The following RPS6KA5 variants were observed in gnomAD, a reference collection of about 807,000 sequenced individuals.
RPS6KA5 encodes the protein ribosomal protein S6 kinase alpha-5.
RPS6KA5 carries 27 observed loss-of-function variants against 85.5 expected under a neutral mutation model. That is an observed-to-expected ratio of 0.32 (90% CI 0.23 to 0.44). The LOEUF is 0.44. Ranked by LOEUF, RPS6KA5 falls within the 20% of genes least tolerant of loss-of-function variation. RPS6KA5 has a pLI of 1.00. For synonymous variants in RPS6KA5, 334 were observed against 348.2 expected (o/e 0.96, Z 0.46); for missense variants, 811 against 980.9 (o/e 0.83, Z 2.31).
At chr14:90,917,954 A>T (rs1016131325) in intron 7 of RPS6KA5, among the ~76,000 whole-genome samples, 2 of 152,310 alleles carry the variant, frequency 1.3e-5, no homozygotes, top group Middle Eastern at 3.4e-3. Context: ...TACCTGGATT[A>T]TTTCCAGTTT....
intron 3 of RPS6KA5, among the ~76,000 whole-genome samples, chr14:90,949,422 C>T (rs2038052734): frequency 6.6e-6 from 1 of 152,206 alleles, no homozygotes; most frequent in South Asian, 2.1e-4. Context: ...TACTTACTTT[C>T]TCTGCTAAAG....
chr14:90,950,182 T>C (rs2038099446), intron 3 of RPS6KA5, among the ~76,000 whole-genome samples: 1 of 152,240 alleles, frequency 6.6e-6, no homozygotes. Flanking sequence ...CCAAATGTTT[T>C]ATTCCTGTTG....
At chr14:90,997,369 C>T (rs2040573411) in intron 2 of RPS6KA5, among the ~76,000 whole-genome samples, 2 of 152,114 alleles carry the variant, frequency 1.3e-5, no homozygotes, top group South Asian at 4.1e-4. Flanking sequence ...TTCATAGCAG[C>T]ATTATATTCA....
intron 14 of RPS6KA5, among the ~76,000 whole-genome samples, chr14:90,879,203 C>T (rs954963205): frequency 1.3e-5 from 2 of 152,222 alleles, no homozygotes; most frequent in African/African-American, 2.4e-5. Flanking sequence ...CAAACCAATG[C>T]ACTATGGAAA....
chr14:90,875,205 G>C lies in RPS6KA5; in HGVS notation c.1992C>G (p.Ile664Met), dbSNP rs767594984. ...KNVSQEAKDL[I>M]QGLLTVDPNK... is the part of the protein sequence containing the mutation. The stretch of plus-strand genomic sequence containing the variant: ...AAAATTTCATTAGATTCTTACCTTG[G>C]ATCAAATCTTTAGCCTCTTGGGATA... Residue 664 changes from isoleucine (I) to methionine (M), a missense_variant, in exon 15 of 17, where the codon ATC becomes ATG. Around this residue, in one of 3 missense-constraint regions of RPS6KA5, gnomAD observed 650 missense variants for 793.4 expected, o/e 0.82. Coordinates refer to ENST00000614987, the MANE Select transcript of RPS6KA5 (RefSeq NM_004755.4). 2 of 1,611,796 alleles carry C rather than the reference G, an allele frequency of 1.2e-6. No homozygotes were observed. Among genetic ancestry groups the C allele is most frequent in the East Asian group, 4.5e-5 (2 of 44,854 alleles).
At chr14:90,902,749 T>A (rs1420448408) in intron 9 of RPS6KA5, 59 bp downstream of exon 9, 5 of 1,490,314 alleles carry the variant, frequency 3.4e-6, no homozygotes, top group Non-Finnish European at 4.6e-6. Context: ...ATGGGAAATT[T>A]AATCTTTTCT....
intron 8 of RPS6KA5, among the ~76,000 whole-genome samples, chr14:90,904,519 AGT>A (rs2035393950): frequency 6.6e-6 from 1 of 152,278 alleles, no homozygotes; most frequent in African/African-American, 2.4e-5. Context: ...TTGACTTTCT[AGT>A]TAAGTGTTTT....
At chr14:90,882,815 T>G (rs1242439879) in intron 14 of RPS6KA5, among the ~76,000 whole-genome samples, 1 of 99,614 alleles carries the variant, frequency 1.0e-5, no homozygotes, top group African/African-American at 3.0e-5. Flanking sequence ...CAAGATTCTA[T>G]TTTTTTTTTT....
At chr14:90,928,373 T>G (rs1170787066) in intron 5 of RPS6KA5, among the ~76,000 whole-genome samples, 1 of 151,896 alleles carries the variant, frequency 6.6e-6, no homozygotes, top group African/African-American at 2.4e-5. Context: ...AAAAAGAATA[T>G]GAAAGAAGCT....
chr14:90,898,136 G>A (rs529976038), intron 12 of RPS6KA5, among the ~76,000 whole-genome samples: 1 of 152,172 alleles, frequency 6.6e-6, no homozygotes, highest in Non-Finnish European at 1.5e-5. Flanking sequence ...ATAAAAGCTT[G>A]TTGGGCTCTG....
chr14:90,964,590 G>A (rs1457501315), intron 3 of RPS6KA5, among the ~76,000 whole-genome samples: 25 of 152,052 alleles, frequency 1.6e-4, no homozygotes. Flanking sequence ...TACTTAGGCA[G>A]GCATAAATTG....
In RPS6KA5 at chr14:90,854,116, C is replaced by T. The variant is rs1316713617; in HGVS notation, c.*17958G>A. The T allele has an allele frequency of 2.0e-5, 3 of 152,114 alleles. No homozygotes were observed. The highest frequency in any genetic ancestry group is 4.4e-5 in the Non-Finnish European group (3 of 68,016). The allele number at this position is 152,114 out of a possible 1,614,324, so 9.4% of individuals were successfully genotyped here. A position where few individuals can be genotyped will look rare whatever the true frequency, so the allele number is the denominator to read the frequency against. On this transcript the variant is annotated 3_prime_UTR_variant, in exon 17 of 17. Transcript: ENST00000614987. ...CCTAGAAAATAGAATATTTTTTCCT[C>T]TAAACTAAGATATCTGTTTATATAG...
intron 14 of RPS6KA5, among the ~76,000 whole-genome samples, chr14:90,880,231 C>T (rs1254397334): frequency 1.3e-5 from 2 of 152,144 alleles, no homozygotes; most frequent in Non-Finnish European, 2.9e-5. Flanking sequence ...ATCTCTAGGA[C>T]TCTTCATCTT....
At chr14:91,049,139 A>C (rs1195658380) in intron 1 of RPS6KA5, among the ~76,000 whole-genome samples, 3 of 152,168 alleles carry the variant, frequency 2.0e-5, no homozygotes, top group Non-Finnish European at 4.4e-5. Flanking sequence ...CATTTTCTTA[A>C]TCTCTAAAAT....
intron 2 of RPS6KA5, 38 bp from the exon 3 acceptor site, chr14:90,978,562 C>T (rs1366348953): frequency 1.4e-6 from 2 of 1,463,796 alleles, no homozygotes; most frequent in Non-Finnish European, 1.8e-6. Flanking sequence ...AATTAAAATG[C>T]TACACAGGCA....
chr14:91,002,553 A>C (rs891229149), intron 1 of RPS6KA5, among the ~76,000 whole-genome samples: 1 of 152,290 alleles, frequency 6.6e-6, no homozygotes, highest in Non-Finnish European at 1.5e-5. Flanking sequence ...TAAGAAAATA[A>C]AACTCAACTA....
chr14:90,926,980 T>C (rs756922086), intron 5 of RPS6KA5, among the ~76,000 whole-genome samples: 4 of 152,116 alleles, frequency 2.6e-5, no homozygotes, highest in Non-Finnish European at 5.9e-5. Context: ...ACAGTAATGA[T>C]TGATTTGTGG....
intron 3 of RPS6KA5, among the ~76,000 whole-genome samples, chr14:90,971,960 T>C (rs953579685): frequency 1.3e-5 from 2 of 152,164 alleles, no homozygotes; most frequent in Non-Finnish European, 2.9e-5. Context: ...ATAGAACTAA[T>C]ATATAAAAGT....
chr14:91,028,525 T>A (rs893455116), intron 1 of RPS6KA5, among the ~76,000 whole-genome samples: 6 of 147,028 alleles, frequency 4.1e-5, no homozygotes, highest in Non-Finnish European at 9.0e-5. Context: ...CTTAAATGAT[T>A]TTTTTTTTTT....
Sources: allele counts gnomAD v4.1 joint callset (sites outside exome capture counted in the v4.1 genomes callset), GRCh38; gene constraint gnomAD v4.1.1; regional missense constraint gnomAD v4.1.1; transcripts MANE v1.5; gene names NCBI Gene and HGNC (gene_info 2026-07-23, HGNC 2026-07-21).